Variants in DCC observed in about 807,000 individuals in gnomAD.
The protein encoded by DCC is DCC netrin 1 receptor.
In DCC, 58 loss-of-function variants were observed where a neutral mutation model predicts 172.5. The ratio of observed to expected loss-of-function variants is 0.34; its 90% confidence interval spans 0.27 to 0.42. The LOEUF (loss-of-function observed/expected upper bound fraction) is 0.42. DCC is among the 10% of genes least tolerant of loss of function. The pLI is 1.00. For synonymous variants in DCC, 709 were observed against 644.5 expected (o/e 1.10, Z -1.52); for missense variants, 1,740 against 1,791.0 (o/e 0.97, Z 0.51).
intron 1 of DCC, among the ~76,000 whole-genome samples, chr18:52,378,830 G>A (rs1471650414): frequency 1.3e-5 from 2 of 152,158 alleles, no homozygotes; most frequent in African/African-American, 4.8e-5. Context: ...TTACAGGTGT[G>A]AGCCACTGAG....
intron 7 of DCC, among the ~76,000 whole-genome samples, chr18:53,107,134 T>G (rs1450767629): frequency 6.6e-6 from 1 of 151,742 alleles, no homozygotes; most frequent in Non-Finnish European, 1.5e-5. Context: ...GCCCAGTAGA[T>G]CTCAGCCTCA....
At chr18:53,276,639 T>C (rs2056809295) in intron 12 of DCC, among the ~76,000 whole-genome samples, 2 of 152,104 alleles carry the variant, frequency 1.3e-5, no homozygotes, top group South Asian at 2.1e-4. Flanking sequence ...TTAATAATCA[T>C]GCAGATGGAA....
At chr18:52,527,067 C>T (rs2032005009) in intron 1 of DCC, among the ~76,000 whole-genome samples, 1 of 152,160 alleles carries the variant, frequency 6.6e-6, no homozygotes. Flanking sequence ...TGACATTATT[C>T]TTACAGGTGT....
At chr18:53,243,653 A>G (rs1417355187) in intron 12 of DCC, among the ~76,000 whole-genome samples, 2 of 152,168 alleles carry the variant, frequency 1.3e-5, no homozygotes, top group African/African-American at 4.8e-5. Flanking sequence ...CTGCAAGGAA[A>G]CTTAATGCTG....
chr18:53,529,306 G>T (rs372151526), intron 28 of DCC, among the ~76,000 whole-genome samples: 6 of 152,188 alleles, frequency 3.9e-5, no homozygotes, highest in African/African-American at 1.4e-4. Flanking sequence ...GCTCTCTTGA[G>T]ATCAAGGGTA....
chr18:52,739,597 T>A (rs926670401), intron 1 of DCC, among the ~76,000 whole-genome samples: 5 of 152,186 alleles, frequency 3.3e-5, no homozygotes, highest in African/African-American at 1.2e-4. Context: ...TTTCTGTCTC[T>A]GCACAGGCCT....
chr18:52,896,949 A>G (rs1293309288), intron 2 of DCC, among the ~76,000 whole-genome samples: 2 of 152,184 alleles, frequency 1.3e-5, no homozygotes, highest in African/African-American at 4.8e-5. Flanking sequence ...TAATTATACA[A>G]TGGGGCAAAG....
chr18:53,081,185 C>T (rs2042795490), intron 7 of DCC, among the ~76,000 whole-genome samples: 1 of 151,760 alleles, frequency 6.6e-6, no homozygotes, highest in Non-Finnish European at 1.5e-5. Flanking sequence ...ATTAGAAGGA[C>T]TAACTTTGGC....
At chr18:52,770,502 G>A (rs925147463) in intron 2 of DCC, among the ~76,000 whole-genome samples, 4 of 152,190 alleles carry the variant, frequency 2.6e-5, no homozygotes, top group African/African-American at 9.7e-5. Flanking sequence ...TTCCTCACTA[G>A]AGTGAAGGCT....
intron 5 of DCC, among the ~76,000 whole-genome samples, chr18:52,968,086 C>T (rs1183061013): frequency 6.6e-6 from 1 of 152,140 alleles, no homozygotes; most frequent in Non-Finnish European, 1.5e-5. Flanking sequence ...TATTAACCAT[C>T]TATACTGGTC....
intron 1 of DCC, among the ~76,000 whole-genome samples, chr18:52,520,728 A>ATTT (rs35721153): frequency 0.062 from 9,324 of 150,274 alleles, 329 homozygotes; most frequent in Middle Eastern, 0.11. Context: ...TTAGGCAATG[A>ATTT]TTTTTTTTTT....
At chr18:53,169,236 C>T (rs2054973858) in intron 8 of DCC, among the ~76,000 whole-genome samples, 1 of 152,182 alleles carries the variant, frequency 6.6e-6, no homozygotes, top group Non-Finnish European at 1.5e-5. Flanking sequence ...AAACTGCATG[C>T]TTTTAGAGTA....
chr18:53,308,737 C>T (rs925017184), intron 13 of DCC, among the ~76,000 whole-genome samples: 2 of 152,240 alleles, frequency 1.3e-5, no homozygotes, highest in African/African-American at 4.8e-5. Flanking sequence ...ATTGAAAAAA[C>T]GCAGTACGGC....
intron 25 of DCC, among the ~76,000 whole-genome samples, chr18:53,471,213 G>T (rs1440302396): frequency 6.6e-6 from 1 of 152,148 alleles, no homozygotes; most frequent in African/African-American, 2.4e-5. Context: ...TGGGGTACAT[G>T]AGATGTTTTG....
At chr18:52,864,773 T>C (rs1377645709) in intron 2 of DCC, among the ~76,000 whole-genome samples, 1 of 151,640 alleles carries the variant, frequency 6.6e-6, no homozygotes, top group African/African-American at 2.4e-5. Context: ...TGAGAACATG[T>C]GGTGTTTGGT....
At chr18:53,460,056 G>GA (rs55871112) in intron 24 of DCC, among the ~76,000 whole-genome samples, 10,798 of 75,920 alleles carry the variant, frequency 0.14, 891 homozygotes, top group African/African-American at 0.19. Context: ...AAAGGGATCT[G>GA]AAAAAAAAAA....
chr18:52,346,722 G>A (rs1983895109), intron 1 of DCC, among the ~76,000 whole-genome samples: 1 of 152,046 alleles, frequency 6.6e-6, no homozygotes. Context: ...GTTCAAGTAG[G>A]AAACACACAA....
chr18:52,807,884 T>C (rs2038117709), intron 2 of DCC, among the ~76,000 whole-genome samples: 1 of 139,144 alleles, frequency 7.2e-6, no homozygotes, highest in African/African-American at 2.6e-5. Context: ...TCTCTCAATC[T>C]CTCCTGGATA....
rs536520710 is a variant in DCC, at chr18:52,605,671, C to G, written c.92-146383C>G. Among the ~76,000 whole-genome samples the G allele has an allele frequency of 2.5e-3, 373 of 152,244 alleles. 1 individual carries two copies. Among genetic ancestry groups the G allele is most frequent in the Non-Finnish European group, 4.2e-3 (288 of 67,990 alleles). ...GATACTCATTAGAAAATGTACCCCACCTTGTCTGATTACAGTTGGATGATA... is the reference window on the plus strand; with the variant it reads ...GATACTCATTAGAAAATGTACCCCAGCTTGTCTGATTACAGTTGGATGATA... On this transcript the variant is annotated intron_variant, in intron 1 of 28. Transcript: ENST00000442544.
Sources: allele counts gnomAD v4.1 joint callset (sites outside exome capture counted in the v4.1 genomes callset), GRCh38; gene constraint gnomAD v4.1.1; transcripts MANE v1.5; gene names NCBI Gene and HGNC (gene_info 2026-07-23, HGNC 2026-07-21).